Variants in SAMD12 observed in about 807,000 individuals in gnomAD.
SAMD12 encodes the protein sterile alpha motif domain containing 12, also known as sterile alpha motif domain-containing protein 12.
SAMD12 carries 9 observed loss-of-function variants against 15.0 expected under a neutral mutation model. That is an observed-to-expected ratio of 0.60 (90% confidence interval 0.36 to 1.05). The LOEUF (loss-of-function observed/expected upper bound fraction) is 1.05. Ranked by LOEUF, SAMD12 falls within the 50% of genes least tolerant of loss-of-function variation. The pLI is 0.01. For synonymous variants in SAMD12, 86 were observed against 90.1 expected, an observed-to-expected ratio of 0.96 and a Z score of 0.25; for missense variants, 230 against 234.2, an observed-to-expected ratio of 0.98 and a Z score of 0.12.
At chr8:118,580,931 C>A (rs754220029) in intron 1 of SAMD12, 38 bp from the exon 2 acceptor site, 1 of 1,529,622 alleles carries the variant, frequency 6.5e-7, no homozygotes, top group East Asian at 2.3e-5. Flanking sequence ...GAAAACAAAC[C>A]ACATAAAGAA....
chr8:118,336,824 A>G (rs1817099660), intron 4 of SAMD12, among the ~76,000 whole-genome samples: 1 of 152,266 alleles, frequency 6.6e-6, no homozygotes, highest in Non-Finnish European at 1.5e-5. Context: ...ATGGAATACT[A>G]TGCAGCCACA....
chr8:118,216,035 A>T lies in SAMD12; in HGVS notation c.434-18303T>A, dbSNP rs542122251. Among the ~76,000 whole-genome samples, 1,205 of 151,670 alleles carry T rather than the reference A, an allele frequency of 7.9e-3. 17 individuals carry two copies. The highest frequency in any genetic ancestry group is 0.028 in the African/African-American group (1,142 of 41,230). On this transcript the variant is annotated intron_variant, in intron 4 of 4. Transcript: ENST00000409003. ...TCTAGTTCTAGATCCCTGAGGAATCACCACACTGACTTCCACAATGGTTGA... is the reference window on the plus strand; with the variant it reads ...TCTAGTTCTAGATCCCTGAGGAATCTCCACACTGACTTCCACAATGGTTGA...
At chr8:118,281,870 G>C (rs1022417043) in intron 4 of SAMD12, among the ~76,000 whole-genome samples, 1 of 152,140 alleles carries the variant, frequency 6.6e-6, no homozygotes, top group South Asian at 2.1e-4. Flanking sequence ...TAAGATCTCT[G>C]GTTCTTACCA....
intron 2 of SAMD12, among the ~76,000 whole-genome samples, chr8:118,450,656 G>C (rs1823053505): frequency 6.6e-6 from 1 of 152,136 alleles, no homozygotes; most frequent in Admixed American, 6.5e-5. Context: ...GTAGATTGAT[G>C]ACAAAAAATG....
intron 3 of SAMD12, among the ~76,000 whole-genome samples, chr8:118,393,520 G>C (rs1211126761): frequency 6.6e-6 from 1 of 151,984 alleles, no homozygotes; most frequent in Non-Finnish European, 1.5e-5. Flanking sequence ...AAAGTGCTGG[G>C]ATTACAGGTG....
intron 1 of SAMD12, among the ~76,000 whole-genome samples, chr8:118,594,183 TA>T (rs1442744429): frequency 6.6e-6 from 1 of 150,830 alleles, no homozygotes; most frequent in Non-Finnish European, 1.5e-5. Context: ...AATGTCTTCC[TA>T]AAGAGGAGAT....
At chr8:118,436,214 T>C (rs12675551) in intron 3 of SAMD12, among the ~76,000 whole-genome samples, 67,350 of 152,006 alleles carry the variant, frequency 0.44, 17,303 homozygotes, top group South Asian at 0.58. Context: ...TGGTAGATGG[T>C]CCATAAATAC....
At chr8:118,566,856 T>C (rs185488504) in intron 2 of SAMD12, among the ~76,000 whole-genome samples, 3 of 152,170 alleles carry the variant, frequency 2.0e-5, no homozygotes, top group African/African-American at 4.8e-5. Context: ...AAAAGAAAAA[T>C]GTCTGGGTTT....
At chr8:118,427,717 T>C (rs1183550886) in intron 3 of SAMD12, among the ~76,000 whole-genome samples, 7 of 152,258 alleles carry the variant, frequency 4.6e-5, no homozygotes, top group Admixed American at 4.6e-4. Flanking sequence ...GAATTTTTGG[T>C]TATTCTAATC....
exon 5 of SAMD12, chr8:118,190,187 A>T (rs531496818): frequency 2.4e-4 from 36 of 152,106 alleles, no homozygotes; most frequent in African/African-American, 8.4e-4. Flanking sequence ...TTTTAATCAG[A>T]TTCTCCCCCA....
intron 1 of SAMD12, among the ~76,000 whole-genome samples, chr8:118,608,530 GTCTCAC>G (rs1828033874): frequency 1.2e-4 from 19 of 152,190 alleles, no homozygotes; most frequent in African/African-American, 4.6e-4. Context: ...TTGAGATGGA[GTCTCAC>G]TCTGTAGCCC....
At chr8:118,277,351 T>G (rs1324258638) in intron 4 of SAMD12, among the ~76,000 whole-genome samples, 1 of 152,220 alleles carries the variant, frequency 6.6e-6, no homozygotes, top group Non-Finnish European at 1.5e-5. Flanking sequence ...TCTATCTTTC[T>G]ATCTATCTAT....
chr8:118,179,561 A>G, the SAMD12 span, among the ~76,000 whole-genome samples: 2 of 152,110 alleles, frequency 1.3e-5, no homozygotes, highest in Non-Finnish European at 2.9e-5. Flanking sequence ...AATTAAGAGC[A>G]CTATCTTCTT....
At chr8:118,286,814 C>T (rs1184031625) in intron 4 of SAMD12, among the ~76,000 whole-genome samples, 4 of 152,162 alleles carry the variant, frequency 2.6e-5, no homozygotes, top group Admixed American at 2.0e-4. Flanking sequence ...AGTTTAAACG[C>T]CCACCACAGC....
chr8:118,202,411 T>C (rs1819739588), intron 4 of SAMD12, among the ~76,000 whole-genome samples: 1 of 152,188 alleles, frequency 6.6e-6, no homozygotes, highest in South Asian at 2.1e-4. Flanking sequence ...GGGCACACTC[T>C]GGCTCCTGCT....
chr8:118,579,951 T>C (rs1210800228), intron 2 of SAMD12, among the ~76,000 whole-genome samples: 1 of 152,184 alleles, frequency 6.6e-6, no homozygotes, highest in Non-Finnish European at 1.5e-5. Context: ...GAAGAGGCTG[T>C]CCTTACTAAA....
intron 4 of SAMD12, among the ~76,000 whole-genome samples, chr8:118,345,101 G>A (rs72675891): frequency 0.036 from 5,436 of 152,092 alleles, 139 homozygotes; most frequent in Middle Eastern, 0.085. Context: ...TGCCCTATAC[G>A]AGGGTACCAT....
intron 4 of SAMD12, among the ~76,000 whole-genome samples, chr8:118,265,983 T>C (rs2130085638): frequency 6.6e-6 from 1 of 152,154 alleles, no homozygotes; most frequent in South Asian, 2.1e-4. Context: ...TGAGACTGGG[T>C]AATTTATAAA....
intron 4 of SAMD12, among the ~76,000 whole-genome samples, chr8:118,366,686 C>G (rs1038165426): frequency 1.3e-5 from 2 of 151,728 alleles, no homozygotes; most frequent in Non-Finnish European, 2.9e-5. Context: ...GTGGCACATG[C>G]CTGTAATCCC....
Sources: allele counts gnomAD v4.1 joint callset (sites outside exome capture counted in the v4.1 genomes callset), GRCh38; gene constraint gnomAD v4.1.1; transcripts MANE v1.5; gene names NCBI Gene and HGNC (gene_info 2026-07-23, HGNC 2026-07-21).